FAM161B: variants seen among roughly 807,000 people sequenced by gnomAD.
The protein encoded by FAM161B is protein FAM161B.
Under a neutral mutation model 61.5 loss-of-function variants are expected in FAM161B, and 46 were observed. That is an observed-to-expected ratio of 0.75 (90% CI 0.59 to 0.96). The LOEUF is 0.96. FAM161B is among the 40% of genes least tolerant of loss of function. The probability of loss-of-function intolerance (pLI) is 0.00; values close to 1 mark genes in which losing one functional copy is unlikely to be tolerated. For missense variants in FAM161B, 774 were observed against 800.7 expected (o/e 0.97, Z 0.40); for synonymous variants, 284 against 302.7 (o/e 0.94, Z 0.64).
intron 1 of FAM161B, among the ~76,000 whole-genome samples, chr14:73,947,796 G>A (rs1057394281): frequency 6.6e-6 from 1 of 152,296 alleles, no homozygotes; most frequent in Non-Finnish European, 1.5e-5. Context: ...GAAAACCACA[G>A]GGAACTTAGG....
chr14:73,950,040 AGGCAGCAGCGACAGTGACAGCGATAGT>A lies in FAM161B; in HGVS notation c.-41_-15del, dbSNP rs750994394. ...CCCCACGGTCATTTCAGCTGGACAG[AGGCAGCAGCGACAGTGACAGCGATAGT>A]GGCAGCAGCGGTGGCAGCGAGAGCT... On this transcript the variant is annotated 5_prime_UTR_variant, in exon 1 of 9. Transcript: ENST00000286544. 1.1e-5 allele frequency: 17 copies of A among 1,611,470 alleles called. No homozygotes were observed. In the Admixed American group the frequency reaches 2.5e-4, roughly 24 times the overall value.
At chr14:73,947,342 G>A (rs1296171594) in intron 1 of FAM161B, among the ~76,000 whole-genome samples, 1 of 135,828 alleles carries the variant, frequency 7.4e-6, no homozygotes, top group African/African-American at 2.8e-5. Flanking sequence ...ATGAGATTGC[G>A]CCACTGCACT....
At position 73,946,372 on chromosome 14, in the gene FAM161B, G is replaced by C. The variant is rs376034623; in HGVS notation, c.288C>G (p.Asn96Lys). The C allele has an allele frequency of 1.6e-4, 262 of 1,614,014 alleles. No homozygotes were observed. Among genetic ancestry groups the C allele is most frequent in the Non-Finnish European group, 2.1e-4 (251 of 1,180,026 alleles). Residue 96 changes from asparagine (N) to lysine (K), a missense_variant, in exon 2 of 9, where the codon AAC becomes AAG. Physicochemically the swap from Asn to Lys is moderately conservative, Grantham distance 94. Transcript: ENST00000286544. ...LFQSDPESDE[N>K]LSEDEEDLES... ...CCAGGTCCTCCTCATCTTCAGAGAG[G>C]TTTTCATCACTCTCTGGGTCAGACT...
At chr14:73,927,236 C>T, downstream of FAM161B, 3 of 228,446 alleles carry the variant, frequency 1.3e-5, no homozygotes, top group East Asian at 1.8e-4. Flanking sequence ...CAGGCAGGTG[C>T]CACCACGCCC....
chr14:73,923,633 G>C, the FAM161B span: 1 of 1,403,482 alleles, frequency 7.1e-7, no homozygotes, highest in Non-Finnish European at 9.7e-7. Flanking sequence ...ACTTTGGCAC[G>C]AATATTTTCC....
At chr14:73,924,661 G>A in the FAM161B span, 3 of 444,708 alleles carry the variant, frequency 6.7e-6, no homozygotes, top group South Asian at 3.2e-5. Flanking sequence ...GTGCTCTTCC[G>A]TCTTTTCTCC....
intron 1 of FAM161B, 160 bp downstream of exon 1, chr14:73,949,813 G>A: frequency 2.9e-6 from 3 of 1,026,110 alleles, no homozygotes; most frequent in Non-Finnish European, 2.8e-6. Context: ...AGTCCGAGAG[G>A]TTCAGGTCTG....
downstream of FAM161B, among the ~76,000 whole-genome samples, chr14:73,927,416 T>TCAAC (rs1326365177): frequency 6.6e-6 from 1 of 152,188 alleles, no homozygotes; most frequent in African/African-American, 2.4e-5. Context: ...ACTTCTCTCA[T>TCAAC]CAACCATAGG....
chr14:73,946,522 T>C lies in FAM161B; in HGVS notation c.138A>G (p.Lys46=), dbSNP rs2056068931. 5 of 1,614,182 alleles carry C rather than the reference T, an allele frequency of 3.1e-6. No individual in the cohort carries two copies. The highest frequency in any genetic ancestry group is 4.2e-6 in the Non-Finnish European group (5 of 1,180,018). The change falls in exon 2 of 9, where the codon AAA becomes AAG. Residue 46 remains lysine (K), a synonymous_variant. Transcript: ENST00000286544. ...GDGLVLPRAS[K]LDEFLSPEEE... is the part of the protein sequence containing the mutation. ...CCTCTGGGCTGAGGAACTCGTCAAG[T>C]TTGCTGGCCCTGGGCAAAACCAGCC...
At chr14:73,947,228 T>C (rs139033317) in intron 1 of FAM161B, among the ~76,000 whole-genome samples, 3,390 of 151,840 alleles carry the variant, frequency 0.022, 133 homozygotes, top group African/African-American at 0.078. Context: ...TCTACAAAAA[T>C]ACAAAAATTA....
At chr14:73,927,816 A>C (rs934876049), downstream of FAM161B, 1 of 152,810 alleles carries the variant, frequency 6.5e-6, no homozygotes, top group South Asian at 1.7e-4. Context: ...AGAAGTGACC[A>C]ATTAATCAAC....
rs747942644 is a variant in FAM161B at position 73,944,788 on chromosome 14, G to T, written c.472C>A (p.Gln158Lys). Residue 158 changes from glutamine (Q) to lysine (K), a missense_variant, in exon 3 of 9, where the codon CAG (glutamine) becomes AAG (lysine). Transcript: ENST00000286544. ...GCCCAGGAGCTGACGCTTCTGTGCT[G>T]GGAGGGAGGCCGGGAGCCTGAGGGT... ...QPPSGSRPPSQHRSVSSWASS... is the reference protein window; with the variant it reads ...QPPSGSRPPSKHRSVSSWASS... The T allele has an allele frequency of 6.9e-6, 11 of 1,585,136 alleles. No homozygotes were observed. Among genetic ancestry groups the T allele is most frequent in the Non-Finnish European group, 9.5e-6 (11 of 1,163,694 alleles).
At chr14:73,923,482 CAT>C in the FAM161B span, 2 of 1,613,880 alleles carry the variant, frequency 1.2e-6, no homozygotes, top group Non-Finnish European at 1.7e-6. Flanking sequence ...GGGAGGCAAT[CAT>C]ATGAAGTTTC....
intron 7 of FAM161B, 91 bp from the exon 8 acceptor site, chr14:73,936,179 A>C: frequency 7.3e-7 from 1 of 1,363,944 alleles, no homozygotes; most frequent in Non-Finnish European, 9.8e-7. Flanking sequence ...ATACTGCCAC[A>C]ACCACCACCA....
intron 3 of FAM161B, among the ~76,000 whole-genome samples, chr14:73,943,432 T>A (rs1449233579): frequency 6.6e-6 from 1 of 152,222 alleles, no homozygotes; most frequent in African/African-American, 2.4e-5. Context: ...CCCTGTGCCC[T>A]TGGGATGAAG....
In FAM161B at chr14:73,944,535, TG is replaced by T; in HGVS notation, c.724del (p.Gln242ArgfsTer15). 3 of 1,614,154 alleles carry T rather than the reference TG, an allele frequency of 1.9e-6. No homozygotes were observed. Among genetic ancestry groups the T allele is most frequent in the Non-Finnish European group, 2.5e-6 (3 of 1,180,020 alleles). ...EIMERSEARRQAGIQKRKELL... is the reference protein window; with the variant it reads ...EIMERSEARRXAGIQKRKELL... The stretch of plus-strand genomic sequence containing the variant: ...TTCCTTCCTCTTCTGGATCCCTGCC[TG>T]CCTTCGGGCCTCGCTGCGCTCCATG... On this transcript the variant is annotated frameshift_variant, in exon 3 of 9. Coordinates refer to ENST00000286544, the MANE Select transcript of FAM161B (RefSeq NM_152445.3). LOFTEE classifies it high-confidence loss of function.
chr14:73,939,224 G>A (rs554270602), intron 5 of FAM161B, among the ~76,000 whole-genome samples: 45 of 152,168 alleles, frequency 3.0e-4, no homozygotes, highest in Non-Finnish European at 5.3e-4. Flanking sequence ...CACTAAACCC[G>A]GGAGGCAGAG....
Position 73,934,173 on chromosome 14 carries a change from AAAACCCAAGTTTTCCCTGCCTTGACTC to A in FAM161B, c.*56_*82del. The A allele has an allele frequency of 1.3e-6, 2 of 1,534,708 alleles. No individual in the cohort carries two copies. The highest frequency in any genetic ancestry group is 1.8e-6 in the Non-Finnish European group (2 of 1,136,698). On this transcript the variant is annotated 3_prime_UTR_variant, in exon 9 of 9. Coordinates refer to ENST00000286544, the MANE Select transcript of FAM161B (RefSeq NM_152445.3). ...CATCCTCTAACAGTAGCCATGACTC[AAAACCCAAGTTTTCCCTGCCTTGACTC>A]AAACCCAAGTTAGCTGCTTAATATT...
chr14:73,949,408 C>T (rs879293382), intron 1 of FAM161B, among the ~76,000 whole-genome samples: 4 of 151,840 alleles, frequency 2.6e-5, no homozygotes, highest in African/African-American at 4.8e-5. Flanking sequence ...TTAGTAGAGA[C>T]GGGGTTTTGC....
Sources: allele counts gnomAD v4.1 joint callset (sites outside exome capture counted in the v4.1 genomes callset), GRCh38; gene constraint gnomAD v4.1.1; transcripts MANE v1.5; gene names NCBI Gene and HGNC (gene_info 2026-07-23, HGNC 2026-07-21).